FAM153A: variants seen among roughly 807,000 people sequenced by gnomAD.
FAM153A encodes protein FAM153A.
Under a neutral mutation model 48.1 loss-of-function variants are expected in FAM153A, and 12 were observed. That is an observed-to-expected ratio of 0.25 (90% confidence interval 0.16 to 0.40). The LOEUF (loss-of-function observed/expected upper bound fraction) is 0.40. Ranked by LOEUF, FAM153A falls within the 10% of genes least tolerant of loss-of-function variation. FAM153A has a pLI of 1.00. For missense variants in FAM153A, 111 were observed against 345.8 expected (o/e 0.32, Z 5.38); for synonymous variants, 36 against 118.2 (o/e 0.30, Z 4.51).
the FAM153A span, among the ~76,000 whole-genome samples, chr5:177,695,575 G>A: frequency 6.6e-6 from 1 of 152,252 alleles, no homozygotes; most frequent in African/African-American, 2.4e-5. Flanking sequence ...TGGGGTTCAG[G>A]GTAAGGTTAT....
At chr5:177,759,975 A>C (rs1477126600) in intron 1 of FAM153A, among the ~76,000 whole-genome samples, 1 of 148,798 alleles carries the variant, frequency 6.7e-6, no homozygotes, top group Non-Finnish European at 1.5e-5. Flanking sequence ...AAAAAATAAA[A>C]AAAAACAAAA....
At chr5:177,699,605 GATGAA>G in the FAM153A span, among the ~76,000 whole-genome samples, 1 of 145,918 alleles carries the variant, frequency 6.9e-6, no homozygotes, top group Non-Finnish European at 1.5e-5. Context: ...AGATAACTTA[GATGAA>G]ATGAACAAGT....
intron 1 of FAM153A, among the ~76,000 whole-genome samples, chr5:177,772,531 G>A (rs1769173929): frequency 2.8e-5 from 1 of 36,174 alleles, no homozygotes; most frequent in African/African-American, 1.3e-4. Context: ...ACTCCCACCC[G>A]AATATTGCGC....
At position 177,761,079 on chromosome 5, in the gene FAM153A, T is replaced by G. The variant is rs1264759061; in HGVS notation, c.-56-12380A>C. On this transcript the variant is annotated intron_variant, in intron 1 of 8. Coordinates refer to the FAM153A transcript ENST00000393518. ...TCCACAGCAGGAGGTTGGAATCATC[T>G]GGATATGCCATCATGCACAGGTCTG... is the stretch of plus-strand genomic sequence containing the variant. Among the ~76,000 whole-genome samples, 4 of 151,392 alleles carry G rather than the reference T, an allele frequency of 2.6e-5. No homozygotes were observed. The East Asian group carries it at 5.9e-4, about 22-fold the overall frequency.
chr5:177,702,666 C>T, the FAM153A span, among the ~76,000 whole-genome samples: 2 of 151,990 alleles, frequency 1.3e-5, no homozygotes, highest in South Asian at 2.1e-4. Flanking sequence ...TGGGCCAGAC[C>T]TAGGGCTCCT....
rs779388897 is a variant in FAM153A at position 177,731,593 on chromosome 5, C to T, written c.838G>A (p.Val280Met). The T allele has an allele frequency of 8.7e-5, 94 of 1,075,864 alleles. 31 individuals are homozygous for T. Among genetic ancestry groups the T allele is most frequent in the Non-Finnish European group, 1.1e-4 (87 of 805,988 alleles). The allele number at this position is 1,075,864 out of a possible 1,614,324, so 66.6% of individuals were successfully genotyped here. A position where few individuals can be genotyped will look rare whatever the true frequency, so the allele number is the denominator to read the frequency against. The change falls in exon 16 of 21, where the codon GTG becomes ATG. Residue 280 changes from valine (V) to methionine (M), a missense_variant. Around this residue, in one of 4 missense-constraint regions of FAM153A, gnomAD observed 35 missense variants for 136.8 expected, o/e 0.26. Transcript: ENST00000614127. ...CTCTTTGCCAGCGTGGCTGGGTCCA[C>T]CTGCATCTAGAGAAAAAGAAAACAC...
the FAM153A span, among the ~76,000 whole-genome samples, chr5:177,697,967 C>A: frequency 1.3e-5 from 2 of 149,164 alleles, no homozygotes; most frequent in Non-Finnish European, 3.0e-5. Context: ...TTTCTGGGAG[C>A]TCCTGTGTTT....
At chr5:177,743,201 G>GT (rs1191782624) in intron 6 of FAM153A, among the ~76,000 whole-genome samples, 2,338 of 86,348 alleles carry the variant, frequency 0.027, 43 homozygotes, top group African/African-American at 0.079. Context: ...TTTTTTTTTT[G>GT]TTTTGTTTTT....
chr5:177,724,105 A>G (rs1311407815), exon 21 of FAM153A: 2 of 1,611,294 alleles, frequency 1.2e-6, no homozygotes, highest in Admixed American at 1.7e-5. Context: ...ACTTGCCTTC[A>G]GAGGTCTCTA....
chr5:177,737,468 C>T (rs547949107), intron 10 of FAM153A, among the ~76,000 whole-genome samples: 1 of 151,028 alleles, frequency 6.6e-6, no homozygotes. Context: ...AGGTCATTTC[C>T]TCCCCAGGAT....
At chr5:177,707,036 C>T (rs1267579827), downstream of FAM153A, among the ~76,000 whole-genome samples, 1 of 151,922 alleles carries the variant, frequency 6.6e-6, no homozygotes, top group Admixed American at 6.6e-5. Context: ...GACACAGGAG[C>T]CCCAGTTATT....
upstream of FAM153A, among the ~76,000 whole-genome samples, chr5:177,756,595 T>C (rs1389690781): frequency 6.6e-6 from 1 of 151,248 alleles, no homozygotes; most frequent in East Asian, 1.9e-4. Flanking sequence ...AGTAAAGCAC[T>C]CCTCAGCAAA....
chr5:177,768,312 T>C (rs1413036807), intron 1 of FAM153A, among the ~76,000 whole-genome samples: 1 of 151,810 alleles, frequency 6.6e-6, no homozygotes, highest in African/African-American at 2.4e-5. Context: ...CCCAGTCACT[T>C]TGGGTCTTGA....
At chr5:177,700,795 C>T in the FAM153A span, among the ~76,000 whole-genome samples, 2 of 151,782 alleles carry the variant, frequency 1.3e-5, no homozygotes, top group African/African-American at 2.4e-5. Flanking sequence ...GAGCAAGACT[C>T]TGTCTCAAAA....
Position 177,730,461 on chromosome 5 carries a change from A to G in FAM153A, c.863-906T>C, listed in dbSNP as rs1240624175. Among the ~76,000 whole-genome samples, 3 of 120,488 alleles carry G rather than the reference A, an allele frequency of 2.5e-5. No homozygotes were observed. The East Asian group carries it at 8.9e-4, about 36-fold the overall frequency. The allele number at this position is 120,488 out of a possible 152,430, so 79.0% of individuals were successfully genotyped here. A position where few individuals can be genotyped will look rare whatever the true frequency, so the allele number is the denominator to read the frequency against. ...TCTGCTTTTGAACAGGAGCTGAGGA[A>G]TGACCTCAACACTGTAGTCCAAAAG... On this transcript the variant is annotated intron_variant, in intron 16 of 20. Coordinates refer to ENST00000614127, the Ensembl canonical transcript of FAM153A.
At chr5:177,717,104 T>A (rs536618931) in intron 24 of FAM153A, 1 of 148,650 alleles carries the variant, frequency 6.7e-6, no homozygotes, top group Non-Finnish European at 1.5e-5. Flanking sequence ...GAAATTATAT[T>A]TTAAAAGTAA....
chr5:177,737,077 G>T (rs1335267440), exon 11 of FAM153A: 18 of 1,557,890 alleles, frequency 1.2e-5, no homozygotes, highest in Non-Finnish European at 1.2e-5. Context: ...GAGACTGTCT[G>T]CCCTGGCCCA....
chr5:177,736,643 C>T (rs764282928), intron 11 of FAM153A, 34 bp from the exon 14 acceptor site: 1 of 1,601,692 alleles, frequency 6.2e-7, no homozygotes, highest in East Asian at 2.3e-5. Context: ...AGGATCAGAC[C>T]AGGCTGTGTC....
chr5:177,759,390 T>C (rs1366331277), intron 1 of FAM153A, among the ~76,000 whole-genome samples: 2 of 151,754 alleles, frequency 1.3e-5, no homozygotes, highest in Non-Finnish European at 2.9e-5. Flanking sequence ...AGTTCAACCA[T>C]TGTGGAAGAG....
Sources: gnomAD v4.1 joint callset for allele counts (sites outside exome capture counted in the v4.1 genomes callset) on GRCh38, gnomAD v4.1.1 for gene constraint, gnomAD v4.1.1 regional missense constraint, MANE v1.5 for transcripts, NCBI Gene and HGNC (gene_info 2026-07-23, HGNC 2026-07-21) for gene names.